Variants in DOCK4 observed in about 807,000 individuals in gnomAD.
The protein encoded by DOCK4 is dedicator of cytokinesis protein 4.
In DOCK4, 97 loss-of-function variants were observed where a neutral mutation model predicts 268.1. The observed-to-expected ratio is 0.36, with a 90% CI of 0.31 to 0.43. The LOEUF (loss-of-function observed/expected upper bound fraction) is 0.43, where lower values mean the gene tolerates loss of function less well. Ranked by LOEUF, DOCK4 falls within the 20% of genes least tolerant of loss-of-function variation. The pLI is 1.00. For missense variants in DOCK4, 2,145 were observed against 2,455.7 expected (o/e 0.87, Z 2.67); for synonymous variants, 954 against 887.2 (o/e 1.08, Z -1.34).
intron 8 of DOCK4, among the ~76,000 whole-genome samples, chr7:111,964,684 A>C: frequency 8.5e-6 from 1 of 117,538 alleles, no homozygotes; most frequent in South Asian, 3.1e-4. Flanking sequence ...GCCAACGTTC[A>C]GATTCAGGAA....
At chr7:112,138,001 T>C (rs1444313532) in intron 1 of DOCK4, among the ~76,000 whole-genome samples, 6 of 152,224 alleles carry the variant, frequency 3.9e-5, no homozygotes, top group Admixed American at 1.3e-4. Context: ...ATCATCATCA[T>C]CCACCTCTAG....
rs762255335 is a variant in DOCK4, at chr7:111,863,503, C to T, written c.2342G>A (p.Arg781Gln). 2.2e-5 allele frequency: 35 copies of T among 1,613,680 alleles called. No homozygotes were observed. Among genetic ancestry groups the T allele is most frequent in the African/African-American group, 1.5e-4 (11 of 74,880 alleles). ...YSELLKLFDV[R>Q]EVANLVQDTL... ...GTCCTGGACCAAGTTGGCTACTTCC[C>T]GGACATCAAAGAGCTTCAACAGTTC... is the stretch of plus-strand genomic sequence containing the variant. Residue 781 changes from arginine to glutamine, a missense_variant, in exon 23 of 53, where the codon CGG (arginine) becomes CAG (glutamine). Physicochemically the swap from Arg to Gln is conservative, Grantham distance 43. This residue lies in a region of DOCK4 where 1,598 missense variants were observed against 1,986.7 expected (regional missense o/e 0.80). Coordinates refer to ENST00000428084, the MANE Select transcript of DOCK4 (RefSeq NM_001363540.2).
At chr7:111,838,564 C>A (rs1274542261) in intron 25 of DOCK4, among the ~76,000 whole-genome samples, 1 of 152,014 alleles carries the variant, frequency 6.6e-6, no homozygotes, top group East Asian at 1.9e-4. Flanking sequence ...CTATGCCCCC[C>A]AAAAAACTAT....
At chr7:111,792,814 G>A (rs1334582439) in intron 30 of DOCK4, among the ~76,000 whole-genome samples, 1 of 152,166 alleles carries the variant, frequency 6.6e-6, no homozygotes, top group Non-Finnish European at 1.5e-5. Flanking sequence ...AAGTGCCTTG[G>A]GAAACCTCCA....
At chr7:112,052,983 T>C (rs1805494586) in intron 1 of DOCK4, among the ~76,000 whole-genome samples, 1 of 152,166 alleles carries the variant, frequency 6.6e-6, no homozygotes. Context: ...TCCCCGGAGT[T>C]AAAAAAGCCA....
At chr7:111,970,796 A>G (rs1797650283) in intron 8 of DOCK4, among the ~76,000 whole-genome samples, 1 of 152,196 alleles carries the variant, frequency 6.6e-6, no homozygotes, top group African/African-American at 2.4e-5. Context: ...AAACTGGAAA[A>G]GAGGCCTGGA....
intron 1 of DOCK4, among the ~76,000 whole-genome samples, chr7:112,107,197 AAT>A (rs1811211113): frequency 6.6e-6 from 1 of 152,216 alleles, no homozygotes. Flanking sequence ...AATGTATACA[AAT>A]AACCACTATT....
chr7:112,044,277 G>A (rs1280904489), intron 1 of DOCK4, among the ~76,000 whole-genome samples: 1 of 152,074 alleles, frequency 6.6e-6, no homozygotes, highest in Non-Finnish European at 1.5e-5. Flanking sequence ...AACTATATCA[G>A]CATGAATAAA....
At position 111,783,899 on chromosome 7, in the gene DOCK4, A is replaced by T. The variant is rs749154428; in HGVS notation, c.3482T>A (p.Ile1161Asn). ...CTCCATTAGACGAGTTACAGTAGCA[A>T]TTAATGAAACGCCACTTTCCCGCCA... ...ETWRESGVSL[I>N]ATVTRLMERL... is the part of the protein sequence containing the mutation. Residue 1161 changes from isoleucine (I) to asparagine (N), a missense_variant, in exon 34 of 53, where the codon ATT becomes AAT. By Grantham distance (149) the Ile-to-Asn change is moderately radical. Transcript: ENST00000428084. 6.2e-7 allele frequency: 1 copy of T among 1,606,120 alleles called. No individual in the cohort carries two copies. The highest frequency in any genetic ancestry group is 8.5e-7 in the Non-Finnish European group (1 of 1,175,966).
chr7:111,727,726 G>A lies in DOCK4; in HGVS notation c.*548C>T, dbSNP rs1794738966. The A allele has an allele frequency of 1.3e-5, 2 of 152,238 alleles. No individual in the cohort carries two copies. The highest frequency in any genetic ancestry group is 1.3e-4 in the Admixed American group (2 of 15,286). 9.4% of individuals were successfully genotyped at this position (152,238 alleles called of 1,614,324 possible). On this transcript the variant is annotated 3_prime_UTR_variant, in exon 53 of 53. Coordinates refer to ENST00000428084, the MANE Select transcript of DOCK4 (RefSeq NM_001363540.2). ...ACCTTAAAGAAGTATTTTGTTTCAA[G>A]AACAAAACAATTTCCAGTCCCAAGC...
chr7:111,728,603 T>C lies in DOCK4; in HGVS notation c.5599A>G (p.Ser1867Gly). 1 of 1,614,026 alleles carries C rather than the reference T, an allele frequency of 6.2e-7. No individual in the cohort carries two copies. The highest frequency in any genetic ancestry group is 8.5e-7 in the Non-Finnish European group (1 of 1,179,898). ...SSGISSLSRC[S>G]TSETSGFENQ... ...TCAAAGCCTGAGGTTTCCGACGTGCTGCACCGGCTGAGAGAAGAAATCCCA... is the reference window on the plus strand; with the variant it reads ...TCAAAGCCTGAGGTTTCCGACGTGCCGCACCGGCTGAGAGAAGAAATCCCA... Residue 1867 changes from serine to glycine, a missense_variant, in exon 53 of 53, where the codon AGC (serine) becomes GGC (glycine). Transcript: ENST00000428084.
At chr7:112,058,512 A>G (rs1269706915) in intron 1 of DOCK4, among the ~76,000 whole-genome samples, 1 of 152,146 alleles carries the variant, frequency 6.6e-6, no homozygotes, top group Non-Finnish European at 1.5e-5. Context: ...CACTCTTCTG[A>G]ATGGGGCTTC....
At chr7:112,133,315 C>T (rs1327903557) in intron 1 of DOCK4, among the ~76,000 whole-genome samples, 1 of 152,176 alleles carries the variant, frequency 6.6e-6, no homozygotes, top group Non-Finnish European at 1.5e-5. Context: ...TTTACTGTTC[C>T]ACTCCACAAA....
At chr7:111,894,258 G>A (rs922781965) in intron 16 of DOCK4, among the ~76,000 whole-genome samples, 1 of 151,932 alleles carries the variant, frequency 6.6e-6, no homozygotes, top group East Asian at 1.9e-4. Flanking sequence ...GAAAATACCA[G>A]GTGTGTTATA....
chr7:112,122,822 G>T (rs1331201031), intron 1 of DOCK4, among the ~76,000 whole-genome samples: 1 of 152,066 alleles, frequency 6.6e-6, no homozygotes, highest in African/African-American at 2.4e-5. Flanking sequence ...TTTATCTTAT[G>T]AGTGACTATC....
At chr7:111,983,862 GCA>G (rs1554402961) in intron 7 of DOCK4, among the ~76,000 whole-genome samples, 1,468 of 138,634 alleles carry the variant, frequency 0.011, 30 homozygotes, top group African/African-American at 0.037. Flanking sequence ...GCGCGCGCGC[GCA>G]CACACACACA....
In DOCK4 at chr7:111,876,915, G is replaced by T. The variant is rs114325873; in HGVS notation, c.1744+115C>A. On this transcript the variant is annotated intron_variant, in intron 17 of 52. Transcript: ENST00000428084. The stretch of plus-strand genomic sequence containing the variant: ...TTTTACTAGAAATCACAAATGGAAG[G>T]ATCAATAATTTTTCTAAAGTTCTTA... 1.9e-3 allele frequency: 1,860 copies of T among 999,904 alleles called. 29 individuals carry two copies. The African/African-American group carries it at 0.029, about 16-fold the overall frequency. The allele number at this position is 999,904 out of a possible 1,614,324, so 61.9% of individuals were successfully genotyped here. A position where few individuals can be genotyped will look rare whatever the true frequency, so the allele number is the denominator to read the frequency against.
intron 1 of DOCK4, among the ~76,000 whole-genome samples, chr7:112,018,010 C>T (rs1004731167): frequency 5.9e-5 from 9 of 151,646 alleles, no homozygotes; most frequent in Non-Finnish European, 1.3e-4. Context: ...CACGGTGAAA[C>T]CCCGTCTCTA....
At chr7:112,052,661 G>T (rs907455989) in intron 1 of DOCK4, among the ~76,000 whole-genome samples, 1 of 151,952 alleles carries the variant, frequency 6.6e-6, no homozygotes, top group East Asian at 1.9e-4. Flanking sequence ...TATACAAAAA[G>T]ATTTGCTGCC....
Sources: gnomAD v4.1 joint callset for allele counts (sites outside exome capture counted in the v4.1 genomes callset) on GRCh38, gnomAD v4.1.1 for gene constraint, gnomAD v4.1.1 regional missense constraint, MANE v1.5 for transcripts, NCBI Gene and HGNC (gene_info 2026-07-23, HGNC 2026-07-21) for gene names.